The following DOCK3 variants were observed in gnomAD, a reference collection of about 807,000 sequenced individuals.
The protein encoded by DOCK3 is dedicator of cytokinesis protein 3.
In DOCK3, 60 loss-of-function variants were observed where a neutral mutation model predicts 265.6. The ratio of observed to expected loss-of-function variants is 0.23; its 90% CI spans 0.18 to 0.28. The LOEUF (loss-of-function observed/expected upper bound fraction) is 0.28, where lower values mean the gene tolerates loss of function less well. DOCK3 is among the 10% of genes least tolerant of loss of function. The probability of loss-of-function intolerance (pLI) is 1.00; values close to 1 mark genes in which losing one functional copy is unlikely to be tolerated. For missense variants in DOCK3, 1,981 were observed against 2,594.3 expected (o/e 0.76, Z 5.14); for synonymous variants, 881 against 938.0 (o/e 0.94, Z 1.11).
rs140072492 is a variant in DOCK3, at chr3:50,983,128, T to A, written c.315+49051T>A. Among the ~76,000 whole-genome samples the A allele has an allele frequency of 1.8e-3, 271 of 152,272 alleles. 1 individual carries two copies. The highest frequency in any genetic ancestry group is 6.8e-3 in the Middle Eastern group (2 of 294). On this transcript the variant is annotated intron_variant, in intron 5 of 52. Transcript: ENST00000266037. ...GCCGGCATACCAGACCTCTGCTGCCTCGGCCCCCTCTGGACTTTGGGTGCC... is the reference window on the plus strand; with the variant it reads ...GCCGGCATACCAGACCTCTGCTGCCACGGCCCCCTCTGGACTTTGGGTGCC...
At chr3:50,859,210 G>GTTTTT (rs138539454) in intron 3 of DOCK3, among the ~76,000 whole-genome samples, 24 of 69,254 alleles carry the variant, frequency 3.5e-4, no homozygotes, top group Non-Finnish European at 4.7e-4. Context: ...AACTGGTATG[G>GTTTTT]TTTTTTTTTT....
chr3:50,827,665 A>T (rs76280679), intron 2 of DOCK3, among the ~76,000 whole-genome samples: 1 of 151,486 alleles, frequency 6.6e-6, no homozygotes, highest in Non-Finnish European at 1.5e-5. Context: ...AAAAACCCCA[A>T]TTACTTTTGC....
intron 44 of DOCK3, 78 bp downstream of exon 44, chr3:51,357,219 T>G: frequency 1.3e-6 from 2 of 1,507,682 alleles, no homozygotes; most frequent in Non-Finnish European, 1.8e-6. Flanking sequence ...TTTTCAAGAT[T>G]ATAGTCTCCT....
At chr3:51,277,852 C>T in intron 26 of DOCK3, 98 bp downstream of exon 26, 1 of 1,540,408 alleles carries the variant, frequency 6.5e-7, no homozygotes, top group Non-Finnish European at 8.8e-7. Context: ...ACCTTCATCT[C>T]AGCCTTCCCT....
chr3:50,702,910 T>C (rs2036147808), intron 1 of DOCK3, among the ~76,000 whole-genome samples: 1 of 152,168 alleles, frequency 6.6e-6, no homozygotes, highest in African/African-American at 2.4e-5. Flanking sequence ...TGGGCATCCT[T>C]GTCTTGGTCC....
chr3:50,752,507 CA>C (rs1225389276), intron 1 of DOCK3, among the ~76,000 whole-genome samples: 513 of 29,994 alleles, frequency 0.017, 3 homozygotes, highest in African/African-American at 0.041. Context: ...GAGTCCGTCT[CA>C]AAAAAAAAAA....
intron 4 of DOCK3, among the ~76,000 whole-genome samples, chr3:50,924,698 C>T (rs2050671242): frequency 1.3e-5 from 2 of 152,216 alleles, no homozygotes; most frequent in Non-Finnish European, 2.9e-5. Context: ...TTGCCCACTG[C>T]TACCGGTCAG....
chr3:51,246,717 C>T lies in DOCK3; in HGVS notation c.2103-9C>T, dbSNP rs1227280169. 7.4e-6 allele frequency: 12 copies of T among 1,611,484 alleles called. No individual in the cohort carries two copies. The highest frequency in any genetic ancestry group is 1.0e-5 in the Non-Finnish European group (12 of 1,178,812). ...AAAGTGGGGTTTCTGGAACTGTTCT[C>T]TTTCCCAGGGAGCTCATCCGCTGTT... is the stretch of plus-strand genomic sequence containing the variant. On this transcript the variant is annotated splice_polypyrimidine_tract_variant and intron_variant, in intron 21 of 52. Coordinates refer to ENST00000266037, the MANE Select transcript of DOCK3 (RefSeq NM_004947.5).
intron 5 of DOCK3, among the ~76,000 whole-genome samples, chr3:50,970,898 TATA>T: frequency 5.7e-5 from 1 of 17,470 alleles, no homozygotes; most frequent in African/African-American, 2.2e-4. Flanking sequence ...TTTTTATATA[TATA>T]TATATATATA....
intron 5 of DOCK3, among the ~76,000 whole-genome samples, chr3:51,005,872 A>G (rs1274827463): frequency 1.3e-5 from 2 of 152,164 alleles, no homozygotes; most frequent in Non-Finnish European, 2.9e-5. Flanking sequence ...TCTTTTGCCT[A>G]AAACCCTCCA....
chr3:50,917,507 T>C (rs1263979480), intron 4 of DOCK3, among the ~76,000 whole-genome samples: 1 of 152,066 alleles, frequency 6.6e-6, no homozygotes, highest in Non-Finnish European at 1.5e-5. Context: ...ATCATTGTAT[T>C]TTTAAGGATA....
chr3:51,324,798 CAAA>C (rs1157514451), intron 32 of DOCK3, among the ~76,000 whole-genome samples: 12 of 152,080 alleles, frequency 7.9e-5, no homozygotes, highest in Non-Finnish European at 1.5e-5. Flanking sequence ...ACAAACCTGA[CAAA>C]AACAAGCAAT....
intron 14 of DOCK3, 129 bp downstream of exon 14, chr3:51,214,376 T>G: frequency 1.5e-6 from 2 of 1,336,168 alleles, no homozygotes; most frequent in Non-Finnish European, 2.0e-6. Context: ...ACATCCCAAG[T>G]CAGGCTGCTT....
intron 5 of DOCK3, among the ~76,000 whole-genome samples, chr3:51,056,849 T>C (rs1251248142): frequency 2.6e-5 from 4 of 152,176 alleles, no homozygotes; most frequent in African/African-American, 9.7e-5. Flanking sequence ...GATCTGGTAA[T>C]CTTCCCACAA....
rs543035586 is a variant in DOCK3 at position 50,908,983 on chromosome 3, T to C, written c.218+18902T>C. ...CATTATGTAATGCCCTTCTTTGTCT[T>C]TTTTGATATTTGATAATGTAAAGTC... is the stretch of plus-strand genomic sequence containing the variant. On this transcript the variant is annotated intron_variant, in intron 4 of 52. Transcript: ENST00000266037. Among the ~76,000 whole-genome samples the C allele has an allele frequency of 1.8e-4, 27 of 152,166 alleles. 1 individual carries two copies. Among genetic ancestry groups the C allele is most frequent in the African/African-American group, 6.5e-4 (27 of 41,458 alleles).
intron 5 of DOCK3, among the ~76,000 whole-genome samples, chr3:51,042,386 C>G (rs1428479397): frequency 6.6e-6 from 1 of 152,140 alleles, no homozygotes; most frequent in Admixed American, 6.5e-5. Flanking sequence ...TTCAGTATCC[C>G]TTCATGTTAA....
intron 5 of DOCK3, among the ~76,000 whole-genome samples, chr3:50,973,045 G>GTTTGTTTT (rs1240169729): frequency 2.5e-4 from 1 of 3,946 alleles, no homozygotes; most frequent in Non-Finnish European, 5.8e-4. Flanking sequence ...CATTCAGTGT[G>GTTTGTTTT]TTTCTTTTTT....
chr3:51,179,823 G>A (rs1311557736), intron 12 of DOCK3, among the ~76,000 whole-genome samples: 1 of 152,006 alleles, frequency 6.6e-6, no homozygotes, highest in Non-Finnish European at 1.5e-5. Flanking sequence ...GAGGTCAGAT[G>A]ATTGCTTGAG....
chr3:50,734,892 C>T (rs188748259), intron 1 of DOCK3, among the ~76,000 whole-genome samples: 9 of 152,152 alleles, frequency 5.9e-5, no homozygotes, highest in East Asian at 1.9e-4. Flanking sequence ...CGTCAGCCAC[C>T]GCGCCCAGCC....
Sources: gnomAD v4.1 joint callset for allele counts (sites outside exome capture counted in the v4.1 genomes callset) on GRCh38, gnomAD v4.1.1 for gene constraint, MANE v1.5 for transcripts, NCBI Gene and HGNC (gene_info 2026-07-23, HGNC 2026-07-21) for gene names.